OSBPL10: variants seen among roughly 807,000 people sequenced by gnomAD.
OSBPL10 encodes the protein oxysterol-binding protein-related protein 10.
Under a neutral mutation model 81.7 loss-of-function variants are expected in OSBPL10, and 49 were observed. The observed-to-expected ratio is 0.60, with a 90% CI of 0.48 to 0.76. The LOEUF (loss-of-function observed/expected upper bound fraction) is 0.76, where lower values mean the gene tolerates loss of function less well. Among genes scored for constraint, OSBPL10 ranks in the 30% least tolerant of loss-of-function variants. The probability of loss-of-function intolerance (pLI) is 0.00; values close to 1 mark genes in which losing one functional copy is unlikely to be tolerated. For missense variants in OSBPL10, 923 were observed against 987.8 expected, an observed-to-expected ratio of 0.93 and a Z score of 0.88; for synonymous variants, 419 against 383.6, an observed-to-expected ratio of 1.09 and a Z score of -1.08.
chr3:31,839,318 C>T (rs896632459), intron 3 of OSBPL10, among the ~76,000 whole-genome samples: 4 of 152,072 alleles, frequency 2.6e-5, no homozygotes, highest in Non-Finnish European at 5.9e-5. Flanking sequence ...AACTGACTCA[C>T]ATTATTCAGA....
At chr3:31,693,413 G>C (rs935219331) in intron 7 of OSBPL10, among the ~76,000 whole-genome samples, 4 of 152,198 alleles carry the variant, frequency 2.6e-5, no homozygotes, top group African/African-American at 9.7e-5. Context: ...AAGCCAAAAA[G>C]AGACAACGTG....
At chr3:32,020,649 A>C (rs1168776579) in intron 2 of OSBPL10, among the ~76,000 whole-genome samples, 1 of 152,198 alleles carries the variant, frequency 6.6e-6, no homozygotes, top group Non-Finnish European at 1.5e-5. Context: ...TGAGCAATTA[A>C]GGAGATGATT....
rs140810173 is a variant in OSBPL10, at chr3:31,980,108, G to A, written c.281+791C>T. Among the ~76,000 whole-genome samples, 703 of 151,934 alleles carry A rather than the reference G, an allele frequency of 4.6e-3. 5 individuals are homozygous for A. Among genetic ancestry groups the A allele is most frequent in the African/African-American group, 0.016 (666 of 41,436 alleles). On this transcript the variant is annotated intron_variant, in intron 1 of 11. Transcript: ENST00000396556. The stretch of plus-strand genomic sequence containing the variant: ...CAACCTCTGCCTCCGGGGTTCAAGC[G>A]ATTCTCCTGCCTCAGCCTCCGGAGT...
intron 8 of OSBPL10, among the ~76,000 whole-genome samples, chr3:31,673,056 A>C (rs1373128839): frequency 6.6e-6 from 1 of 152,154 alleles, no homozygotes; most frequent in African/African-American, 2.4e-5. Context: ...GACTAAACTC[A>C]TCTTGCCAAA....
At chr3:32,021,522 A>G (rs1405085029) in intron 2 of OSBPL10, among the ~76,000 whole-genome samples, 2 of 152,176 alleles carry the variant, frequency 1.3e-5, no homozygotes, top group Non-Finnish European at 1.5e-5. Context: ...TATTTCAGCC[A>G]TTCTGGTAAA....
Position 31,712,376 on chromosome 3 carries a change from C to A in OSBPL10, c.1096-9868G>T, listed in dbSNP as rs866035354. ...CCTGTGTATACGGCACTTTAAGTGA[C>A]AAGGGGGCTTTACACATGTGATTAC... On this transcript the variant is annotated intron_variant, in intron 6 of 11. Coordinates refer to ENST00000396556, the MANE Select transcript of OSBPL10 (RefSeq NM_017784.5). Among the ~76,000 whole-genome samples the A allele has an allele frequency of 2.1e-4, 32 of 152,156 alleles. 1 individual carries two copies. Among genetic ancestry groups the A allele is most frequent in the Non-Finnish European group, 4.0e-4 (27 of 68,024 alleles).
intron 5 of OSBPL10, among the ~76,000 whole-genome samples, chr3:31,734,139 G>A (rs1333699689): frequency 1.3e-5 from 2 of 152,176 alleles, no homozygotes; most frequent in Non-Finnish European, 2.9e-5. Context: ...CCTGCAAAGT[G>A]AGCACAGGAT....
intron 1 of OSBPL10, among the ~76,000 whole-genome samples, chr3:31,914,198 G>A (rs1035131545): frequency 1.3e-5 from 2 of 152,208 alleles, no homozygotes; most frequent in South Asian, 2.1e-4. Flanking sequence ...TGGGATTACA[G>A]GCATGAGCCA....
chr3:31,967,357 G>A (rs979092346), intron 1 of OSBPL10, among the ~76,000 whole-genome samples: 5 of 152,112 alleles, frequency 3.3e-5, no homozygotes, highest in African/African-American at 1.2e-4. Flanking sequence ...CTGGCCTGTA[G>A]TAGCCCCAGC....
In OSBPL10 at chr3:31,769,453, AAAAAACAAAAAAAAAAC is replaced by A. The variant is rs1325708868; in HGVS notation, c.730-21350_730-21334del. ...AGAGCAAAACTCCATCTCAAAAAAA[AAAAAACAAAAAAAAAAC>A]AAAAAAAAACAGAATAAAAATATAT... On this transcript the variant is annotated intron_variant, in intron 4 of 11. Transcript: ENST00000396556. 5.8e-5 allele frequency among the ~76,000 whole-genome samples: 5 copies of A among 86,682 alleles called. 1 individual carries two copies. Among genetic ancestry groups the A allele is most frequent in the African/African-American group, 2.3e-4 (5 of 22,062 alleles). The allele number at this position is 86,682 out of a possible 152,430, so 56.9% of individuals were successfully genotyped here.
intron 8 of OSBPL10, among the ~76,000 whole-genome samples, chr3:31,678,592 C>T (rs1700548510): frequency 6.6e-6 from 1 of 152,180 alleles, no homozygotes; most frequent in South Asian, 2.1e-4. Context: ...AACATTTCCA[C>T]ATATTTGTCT....
intron 1 of OSBPL10, among the ~76,000 whole-genome samples, chr3:31,975,323 T>A (rs368955981): frequency 2.0e-5 from 3 of 152,286 alleles, no homozygotes; most frequent in African/African-American, 7.2e-5. Flanking sequence ...CGGACAAGAA[T>A]ACAAAACCCA....
At chr3:31,826,692 T>C (rs185628026) in intron 4 of OSBPL10, among the ~76,000 whole-genome samples, 1 of 152,324 alleles carries the variant, frequency 6.6e-6, no homozygotes, top group East Asian at 1.9e-4. Context: ...TATAGATAAA[T>C]ACAGTGGAAC....
At chr3:31,744,775 A>G (rs926063892) in intron 5 of OSBPL10, among the ~76,000 whole-genome samples, 2 of 124,784 alleles carry the variant, frequency 1.6e-5, no homozygotes, top group Admixed American at 9.5e-5. Flanking sequence ...CAGAGAGCCA[A>G]TGAAAATTAG....
chr3:31,708,064 T>C (rs752558104), intron 6 of OSBPL10, among the ~76,000 whole-genome samples: 4 of 152,132 alleles, frequency 2.6e-5, no homozygotes, highest in Admixed American at 6.5e-5. Flanking sequence ...CAACAACCAA[T>C]TACTGAATCC....
rs971405067 is a variant in OSBPL10, at chr3:32,009,398, T to C, written n.298+37093A>G. The stretch of plus-strand genomic sequence containing the variant: ...TCAAATCCATGTCCACATCAGGCTT[T>C]GTCTCTCACTAGTTGGGGAAACTTG... On this transcript the variant is annotated intron_variant and non_coding_transcript_variant, in intron 2 of 3. Coordinates refer to the OSBPL10 transcript ENST00000479173. 3.3e-5 allele frequency among the ~76,000 whole-genome samples: 5 copies of C among 152,256 alleles called. No homozygotes were observed. The East Asian group carries it at 9.6e-4, about 29-fold the overall frequency.
chr3:31,706,628 G>A (rs1696074555), intron 6 of OSBPL10, among the ~76,000 whole-genome samples: 1 of 152,146 alleles, frequency 6.6e-6, no homozygotes. Flanking sequence ...GTTTGTGTGG[G>A]TCCAACAGTC....
At chr3:31,665,339 C>T (rs1365856104) in intron 10 of OSBPL10, among the ~76,000 whole-genome samples, 1 of 152,228 alleles carries the variant, frequency 6.6e-6, no homozygotes, top group Non-Finnish European at 1.5e-5. Flanking sequence ...GAGATTCCCT[C>T]CCTGGCTTCT....
At chr3:31,919,455 A>G (rs1172179983) in intron 1 of OSBPL10, 1 of 152,236 alleles carries the variant, frequency 6.6e-6, no homozygotes, top group African/African-American at 2.4e-5. Flanking sequence ...GCTGGAGCAA[A>G]GACTGGAAAT....
Sources: gnomAD v4.1 joint callset for allele counts (sites outside exome capture counted in the v4.1 genomes callset) on GRCh38, gnomAD v4.1.1 for gene constraint, MANE v1.5 for transcripts, NCBI Gene and HGNC (gene_info 2026-07-23, HGNC 2026-07-21) for gene names.